Variants in CSGALNACT1 observed in about 807,000 individuals in gnomAD.
The protein encoded by CSGALNACT1 is chondroitin sulfate N-acetylgalactosaminyltransferase 1, also known as beta4GalNAcT-1.
In CSGALNACT1, 52 loss-of-function variants were observed where a neutral mutation model predicts 51.0. The ratio of observed to expected loss-of-function variants is 1.02; its 90% CI spans 0.82 to 1.29. CSGALNACT1 has a LOEUF of 1.29. Among genes scored for constraint, CSGALNACT1 ranks in the 50% most tolerant of loss-of-function variants. The pLI is 0.00. For missense variants in CSGALNACT1, 935 were observed against 679.2 expected (o/e 1.38, Z -4.19); for synonymous variants, 341 against 254.4 (o/e 1.34, Z -3.24).
At chr8:19,500,622 G>A (rs2076250792) in intron 4 of CSGALNACT1, among the ~76,000 whole-genome samples, 1 of 152,200 alleles carries the variant, frequency 6.6e-6, no homozygotes, top group African/African-American at 2.4e-5. Context: ...GCTACTTAGT[G>A]ATACACCGAC....
intron 3 of CSGALNACT1, among the ~76,000 whole-genome samples, chr8:19,512,121 G>T (rs1459718775): frequency 6.6e-6 from 1 of 152,160 alleles, no homozygotes; most frequent in Non-Finnish European, 1.5e-5. Context: ...GCATTTGTGA[G>T]ATTAAGTTGT....
chr8:19,677,454 G>A (rs895763223), intron 1 of CSGALNACT1, among the ~76,000 whole-genome samples: 4 of 152,146 alleles, frequency 2.6e-5, no homozygotes, highest in Middle Eastern at 3.2e-3. Flanking sequence ...GTATGCTGAT[G>A]AGATGACACA....
chr8:19,705,508 G>A, intron 1 of CSGALNACT1, among the ~76,000 whole-genome samples: 1 of 152,180 alleles, frequency 6.6e-6, no homozygotes. Context: ...TGAGGCAGGA[G>A]GCAGGAGGCT....
chr8:19,584,965 T>G (rs887814308), intron 3 of CSGALNACT1, among the ~76,000 whole-genome samples: 1 of 152,114 alleles, frequency 6.6e-6, no homozygotes, highest in Non-Finnish European at 1.5e-5. Context: ...CAAATAGACT[T>G]AAGTCTGAAT....
chr8:19,406,218 G>T, intron 9 of CSGALNACT1, 149 bp from the exon 9 acceptor site: 1 of 920,788 alleles, frequency 1.1e-6, no homozygotes, highest in East Asian at 2.5e-5. Flanking sequence ...GTGTCCACCT[G>T]GGTCAGAAGC....
At chr8:19,450,223 G>C (rs548012805) in intron 5 of CSGALNACT1, among the ~76,000 whole-genome samples, 1 of 84,402 alleles carries the variant, frequency 1.2e-5, no homozygotes, top group South Asian at 7.2e-4. Context: ...GAGGAAGAGG[G>C]AGGGGGAGGG....
At chr8:19,618,991 C>T (rs34267078) in intron 1 of CSGALNACT1, among the ~76,000 whole-genome samples, 29,997 of 151,964 alleles carry the variant, frequency 0.2, 4,705 homozygotes, top group African/African-American at 0.44. Flanking sequence ...TAAATGCACA[C>T]GTGCCTCAGA....
At chr8:19,666,791 GAA>G (rs1383024184) in intron 1 of CSGALNACT1, among the ~76,000 whole-genome samples, 235 of 20,380 alleles carry the variant, frequency 0.012, 10 homozygotes, top group African/African-American at 0.034. Context: ...AAGAAAGAAA[GAA>G]AGAAAGAAAG....
chr8:19,459,641 G>A (rs936453687), intron 4 of CSGALNACT1, among the ~76,000 whole-genome samples: 9 of 152,098 alleles, frequency 5.9e-5, no homozygotes, highest in African/African-American at 2.2e-4. Flanking sequence ...AAACTATCAA[G>A]CCAAACTGCC....
At chr8:19,460,709 TAC>T (rs1404609560) in intron 4 of CSGALNACT1, among the ~76,000 whole-genome samples, 1 of 152,212 alleles carries the variant, frequency 6.6e-6, no homozygotes, top group African/African-American at 2.4e-5. Flanking sequence ...TAGAGTCAGT[TAC>T]AGTTTCTCAA....
chr8:19,653,647 T>C (rs924768521), intron 1 of CSGALNACT1, among the ~76,000 whole-genome samples: 4 of 151,960 alleles, frequency 2.6e-5, no homozygotes, highest in South Asian at 2.1e-4. Flanking sequence ...TTAAAAAAAT[T>C]TGTGGGTGTG....
chr8:19,483,952 C>T (rs1258161153), intron 4 of CSGALNACT1, among the ~76,000 whole-genome samples: 2 of 152,098 alleles, frequency 1.3e-5, no homozygotes, highest in African/African-American at 4.8e-5. Context: ...CAATTGAGGT[C>T]CAAAAATATT....
At chr8:19,525,825 G>C (rs971607810) in intron 3 of CSGALNACT1, among the ~76,000 whole-genome samples, 1 of 152,010 alleles carries the variant, frequency 6.6e-6, no homozygotes, top group African/African-American at 2.4e-5. Context: ...CACCTTGGCA[G>C]TGCCAGCTAC....
chr8:19,745,028 T>TA (rs2064562315), intron 1 of CSGALNACT1, among the ~76,000 whole-genome samples: 1 of 152,158 alleles, frequency 6.6e-6, no homozygotes, highest in Non-Finnish European at 1.5e-5. Flanking sequence ...ATCTTGGGAG[T>TA]AAAAGCTTTA....
chr8:19,579,591 C>T (rs2045108672), intron 3 of CSGALNACT1, among the ~76,000 whole-genome samples: 1 of 152,146 alleles, frequency 6.6e-6, no homozygotes, highest in African/African-American at 2.4e-5. Context: ...TTTGTCTCTA[C>T]CATACTATAA....
chr8:19,571,167 G>A (rs1031224432), intron 3 of CSGALNACT1, among the ~76,000 whole-genome samples: 4 of 152,000 alleles, frequency 2.6e-5, no homozygotes, highest in African/African-American at 9.7e-5. Flanking sequence ...ATGAGGTTTT[G>A]CTATGTTGCC....
chr8:19,742,176 T>C (rs2064357150), intron 1 of CSGALNACT1, among the ~76,000 whole-genome samples: 1 of 152,156 alleles, frequency 6.6e-6, no homozygotes, highest in African/African-American at 2.4e-5. Context: ...AATATAAATG[T>C]TTGCTATCAT....
At chr8:19,720,601 C>T (rs956765768) in intron 1 of CSGALNACT1, among the ~76,000 whole-genome samples, 9 of 152,192 alleles carry the variant, frequency 5.9e-5, no homozygotes, top group South Asian at 2.1e-4. Context: ...CTCCCTTCCC[C>T]GGACAGGGCT....
chr8:19,452,409 C>T (rs2063331382), intron 5 of CSGALNACT1, among the ~76,000 whole-genome samples: 1 of 93,070 alleles, frequency 1.1e-5, no homozygotes, highest in South Asian at 3.8e-4. Context: ...TGTGAACTAA[C>T]CCCTGGGGGA....
Sources: gnomAD v4.1 joint callset for allele counts (sites outside exome capture counted in the v4.1 genomes callset) on GRCh38, gnomAD v4.1.1 for gene constraint, MANE v1.5 for transcripts, NCBI Gene and HGNC (gene_info 2026-07-23, HGNC 2026-07-21) for gene names.